Variants in LNPK observed in about 807,000 individuals in gnomAD.
The protein encoded by LNPK is lunapark, ER junction formation factor.
In LNPK, 29 loss-of-function variants were observed where a neutral mutation model predicts 55.2. The observed-to-expected ratio is 0.53, with a 90% CI of 0.39 to 0.72. LNPK has a LOEUF of 0.72. Ranked by LOEUF, LNPK falls within the 30% of genes least tolerant of loss-of-function variation. The pLI is 0.00. For synonymous variants in LNPK, 162 were observed against 168.2 expected, an observed-to-expected ratio of 0.96 and a Z score of 0.29; for missense variants, 467 against 494.8, an observed-to-expected ratio of 0.94 and a Z score of 0.53.
At chr2:175,934,841 C>T (rs890120066) in intron 12 of LNPK, among the ~76,000 whole-genome samples, 4 of 151,584 alleles carry the variant, frequency 2.6e-5, no homozygotes, top group Non-Finnish European at 5.9e-5. Flanking sequence ...TAATCTATTA[C>T]CAAAGCATCT....
intron 4 of LNPK, among the ~76,000 whole-genome samples, chr2:175,983,836 C>A (rs1189894696): frequency 2.7e-5 from 4 of 150,484 alleles, no homozygotes; most frequent in African/African-American, 7.3e-5. Context: ...TTCCAAAAAA[C>A]GTTGACTGAG....
chr2:175,930,994 TA>T (rs1684257372), intron 12 of LNPK, among the ~76,000 whole-genome samples: 1 of 152,118 alleles, frequency 6.6e-6, no homozygotes, highest in South Asian at 2.1e-4. Context: ...ATAACAATTG[TA>T]TTGAATAAAC....
intron 4 of LNPK, among the ~76,000 whole-genome samples, chr2:175,985,852 A>G (rs543631844): frequency 6.6e-6 from 1 of 152,234 alleles, no homozygotes; most frequent in Non-Finnish European, 1.5e-5. Flanking sequence ...TCAGACTGCA[A>G]TTGACCACAG....
chr2:175,951,238 A>G (rs991893599), intron 8 of LNPK, among the ~76,000 whole-genome samples: 1 of 151,964 alleles, frequency 6.6e-6, no homozygotes, highest in Non-Finnish European at 1.5e-5. Context: ...TATTATTTCC[A>G]TAGGTTACTG....
At chr2:175,974,093 G>A (rs1195838587) in intron 5 of LNPK, among the ~76,000 whole-genome samples, 1 of 152,068 alleles carries the variant, frequency 6.6e-6, no homozygotes, top group Non-Finnish European at 1.5e-5. Flanking sequence ...ATTGCTTTCT[G>A]TGAGTTGGGA....
chr2:175,957,436 A>G (rs1267901845), intron 8 of LNPK, among the ~76,000 whole-genome samples: 1 of 151,870 alleles, frequency 6.6e-6, no homozygotes, highest in African/African-American at 2.4e-5. Flanking sequence ...CCTCATTGCT[A>G]AAGATGAGCT....
chr2:175,954,804 C>T (rs1396577999), intron 8 of LNPK, among the ~76,000 whole-genome samples: 5 of 152,174 alleles, frequency 3.3e-5, no homozygotes, highest in Non-Finnish European at 7.3e-5. Flanking sequence ...TTCTTCAACT[C>T]ATTTATTAAG....
chr2:175,992,182 C>T, intron 4 of LNPK, 49 bp downstream of exon 4: 1 of 1,216,148 alleles, frequency 8.2e-7, no homozygotes, highest in South Asian at 1.5e-5. Flanking sequence ...TACATTAAGA[C>T]TCTCTAGTCA....
chr2:175,972,113 T>G (rs1359290115), intron 5 of LNPK, among the ~76,000 whole-genome samples: 1 of 152,000 alleles, frequency 6.6e-6, no homozygotes, highest in Non-Finnish European at 1.5e-5. Flanking sequence ...ACAGGGTTTC[T>G]CCATGTTGGC....
chr2:175,976,566 T>G (rs1328848928), intron 5 of LNPK, among the ~76,000 whole-genome samples: 1 of 152,178 alleles, frequency 6.6e-6, no homozygotes, highest in East Asian at 1.9e-4. Context: ...TAAAGCAGAT[T>G]GCTCTCCCTA....
At chr2:175,971,108 C>A (rs1686643595) in intron 5 of LNPK, among the ~76,000 whole-genome samples, 2 of 151,444 alleles carry the variant, frequency 1.3e-5, no homozygotes, top group Non-Finnish European at 2.9e-5. Flanking sequence ...TCTACTATTT[C>A]TTTTTCCTTT....
intron 1 of LNPK, among the ~76,000 whole-genome samples, chr2:175,998,171 C>T (rs1574910047): frequency 1.3e-5 from 2 of 152,076 alleles, no homozygotes; most frequent in East Asian, 1.9e-4. Flanking sequence ...AGGCCGGGTG[C>T]GGTGGCTCAC....
chr2:175,984,589 C>T (rs1385361923), intron 4 of LNPK, among the ~76,000 whole-genome samples: 3 of 152,036 alleles, frequency 2.0e-5, no homozygotes, highest in Non-Finnish European at 4.4e-5. Context: ...AATAAAGATA[C>T]ATATTAATGG....
intron 12 of LNPK, among the ~76,000 whole-genome samples, chr2:175,937,003 G>A (rs549787174): frequency 6.6e-6 from 1 of 152,118 alleles, no homozygotes; most frequent in Non-Finnish European, 1.5e-5. Flanking sequence ...TTGAACAGTT[G>A]TTTCATAATT....
chr2:175,999,560 A>G (rs140067340), intron 1 of LNPK, among the ~76,000 whole-genome samples: 81 of 152,332 alleles, frequency 5.3e-4, no homozygotes, highest in Middle Eastern at 3.4e-3. Context: ...AAATACATGG[A>G]AAATACATGG....
At chr2:175,962,293 AC>A (rs1176622478) in intron 8 of LNPK, among the ~76,000 whole-genome samples, 2 of 152,208 alleles carry the variant, frequency 1.3e-5, no homozygotes, top group African/African-American at 4.8e-5. Context: ...ACACTTCCTG[AC>A]TTCAAACTAT....
chr2:175,978,019 G>A (rs1456488936), intron 5 of LNPK, among the ~76,000 whole-genome samples: 1 of 152,102 alleles, frequency 6.6e-6, no homozygotes, highest in African/African-American at 2.4e-5. Context: ...ATGAGATCAA[G>A]GCCAGTCTTA....
At chr2:175,961,784 G>A (rs930770739) in intron 8 of LNPK, among the ~76,000 whole-genome samples, 1 of 152,170 alleles carries the variant, frequency 6.6e-6, no homozygotes, top group African/African-American at 2.4e-5. Flanking sequence ...CAGATGACAT[G>A]CTTGTGTATT....
At chr2:175,994,336 T>C in intron 2 of LNPK, 2 of 984,332 alleles carry the variant, frequency 2.0e-6, no homozygotes, top group Non-Finnish European at 2.4e-6. Context: ...CAGATTATTA[T>C]AAGGTCATAA....
Sources: allele counts gnomAD v4.1 joint callset (sites outside exome capture counted in the v4.1 genomes callset), GRCh38; gene constraint gnomAD v4.1.1; transcripts MANE v1.5; gene names NCBI Gene and HGNC (gene_info 2026-07-23, HGNC 2026-07-21).